CENPP: variants seen among roughly 807,000 people sequenced by gnomAD.
CENPP encodes centromere protein P.
In CENPP, 24 loss-of-function variants were observed where a neutral mutation model predicts 35.6. The observed-to-expected ratio is 0.67, with a 90% CI of 0.49 to 0.95. The LOEUF is 0.95. CENPP is among the 40% of genes least tolerant of loss of function. CENPP has a pLI of 0.00. For synonymous variants in CENPP, 120 were observed against 125.5 expected, an observed-to-expected ratio of 0.96 and a Z score of 0.29; for missense variants, 332 against 345.3, an observed-to-expected ratio of 0.96 and a Z score of 0.31.
intron 5 of CENPP, chr9:92,385,704 G>T: frequency 6.2e-7 from 1 of 1,614,040 alleles, no homozygotes; most frequent in East Asian, 2.2e-5. Context: ...TGCCCTCCAG[G>T]CGTATCTCTT....
chr9:92,550,754 C>A (rs963216633), intron 5 of CENPP, among the ~76,000 whole-genome samples: 1 of 152,110 alleles, frequency 6.6e-6, no homozygotes, highest in African/African-American at 2.4e-5. Flanking sequence ...ATGTTTGATT[C>A]TCTTATCTTG....
chr9:92,566,499 A>T (rs1849971912), intron 5 of CENPP, among the ~76,000 whole-genome samples: 1 of 152,220 alleles, frequency 6.6e-6, no homozygotes. Flanking sequence ...ATGTATGAAC[A>T]AAATGGAAAT....
At chr9:92,327,097 C>A (rs1025461611) in intron 1 of CENPP, among the ~76,000 whole-genome samples, 2 of 152,168 alleles carry the variant, frequency 1.3e-5, no homozygotes, top group East Asian at 3.8e-4. Context: ...CATTACCTGG[C>A]GGTTTGTTAG....
At chr9:92,552,728 A>G (rs1849642713) in intron 5 of CENPP, among the ~76,000 whole-genome samples, 2 of 152,174 alleles carry the variant, frequency 1.3e-5, no homozygotes, top group African/African-American at 2.4e-5. Flanking sequence ...TTCGTTGTAG[A>G]TTCTGGTTAT....
At chr9:92,459,476 T>G (rs1845013606) in intron 5 of CENPP, among the ~76,000 whole-genome samples, 1 of 152,220 alleles carries the variant, frequency 6.6e-6, no homozygotes, top group South Asian at 2.1e-4. Flanking sequence ...CTCCTAAAGC[T>G]CTCCTACTTC....
chr9:92,512,447 A>C (rs780166190), intron 5 of CENPP, among the ~76,000 whole-genome samples: 7 of 152,224 alleles, frequency 4.6e-5, no homozygotes, highest in Admixed American at 3.3e-4. Context: ...CATTTACAAC[A>C]AAGGTGTGGA....
chr9:92,345,953 C>A, intron 4 of CENPP, among the ~76,000 whole-genome samples, 166 bp downstream of exon 4: 1 of 152,080 alleles, frequency 6.6e-6, no homozygotes, highest in Admixed American at 6.6e-5. Context: ...ATCTATCATT[C>A]TTTCATTTAG....
At chr9:92,518,778 A>G (rs780495824) in intron 5 of CENPP, among the ~76,000 whole-genome samples, 6 of 152,168 alleles carry the variant, frequency 3.9e-5, no homozygotes, top group Non-Finnish European at 7.3e-5. Context: ...AGTCCCAGCT[A>G]CTCAGAAAGC....
intron 1 of CENPP, among the ~76,000 whole-genome samples, chr9:92,329,182 C>CTTTTTTTTTTTTTT (rs11366828): frequency 9.6e-6 from 1 of 104,430 alleles, no homozygotes; most frequent in Admixed American, 9.6e-5. Context: ...ATATTTATGG[C>CTTTTTTTTTTTTTT]TTTTTTTTTT....
chr9:92,439,311 G>C (rs939176062), intron 5 of CENPP, among the ~76,000 whole-genome samples: 4 of 151,684 alleles, frequency 2.6e-5, no homozygotes, highest in African/African-American at 9.7e-5. Context: ...GCCCTCCCAT[G>C]GTGAAAATTA....
intron 5 of CENPP, among the ~76,000 whole-genome samples, chr9:92,574,415 G>A (rs1364272451): frequency 6.6e-6 from 1 of 152,076 alleles, no homozygotes; most frequent in Non-Finnish European, 1.5e-5. Flanking sequence ...ACAAAAATGG[G>A]TTGGATTTCT....
chr9:92,382,030 C>G (rs1236462221), intron 5 of CENPP, among the ~76,000 whole-genome samples: 1 of 150,558 alleles, frequency 6.6e-6, no homozygotes, highest in African/African-American at 2.4e-5. Context: ...ATTTGTATAT[C>G]TTTGAGGAAA....
intron 5 of CENPP, among the ~76,000 whole-genome samples, chr9:92,537,964 T>G (rs932993047): frequency 6.6e-6 from 1 of 152,272 alleles, no homozygotes; most frequent in South Asian, 2.1e-4. Flanking sequence ...CATTGTTTTT[T>G]GGGGGAAAAA....
intron 4 of CENPP, among the ~76,000 whole-genome samples, chr9:92,353,573 T>G (rs1470179428): frequency 6.6e-6 from 1 of 152,194 alleles, no homozygotes; most frequent in Non-Finnish European, 1.5e-5. Context: ...GGGTCAGTCA[T>G]CCCAGCCAAC....
intron 5 of CENPP, chr9:92,611,053 G>T: frequency 1.8e-6 from 1 of 550,344 alleles, no homozygotes; most frequent in Non-Finnish European, 3.2e-6. Context: ...TGTGAAATGA[G>T]AATACAGCTG....
In CENPP at chr9:92,337,563, A is replaced by G; in HGVS notation, c.312A>G (p.Arg104=). The G allele has an allele frequency of 6.2e-7, 1 of 1,606,002 alleles. No homozygotes were observed. The highest frequency in any genetic ancestry group is 8.5e-7 in the Non-Finnish European group (1 of 1,172,704). ...CAGGTATTAGAAAAGTTCTACAGAG[A>G]CACAGATTATCAGGAAATTGCCACA... The part of the protein sequence containing the change: ...TEKSIRKVLQ[R]HRLSGNCHMV... The change falls in exon 3 of 8, where the codon AGA becomes AGG. Residue 104 remains arginine (R), a synonymous_variant. Coordinates refer to ENST00000375587, the MANE Select transcript of CENPP (RefSeq NM_001012267.3).
chr9:92,365,560 A>G (rs1393281981), intron 4 of CENPP, among the ~76,000 whole-genome samples: 1 of 151,482 alleles, frequency 6.6e-6, no homozygotes, highest in East Asian at 2.0e-4. Context: ...ACAGGCATCC[A>G]CCACCACGCC....
chr9:92,601,157 C>A (rs974923475), intron 5 of CENPP, among the ~76,000 whole-genome samples: 1 of 152,182 alleles, frequency 6.6e-6, no homozygotes, highest in African/African-American at 2.4e-5. Flanking sequence ...GCATTCCTTT[C>A]TGCTTGTATC....
intron 2 of CENPP, among the ~76,000 whole-genome samples, chr9:92,336,041 C>T (rs372702931): frequency 2.6e-5 from 4 of 152,192 alleles, no homozygotes; most frequent in South Asian, 2.1e-4. Flanking sequence ...ATCTAATCCA[C>T]GATTAAGCAT....
Sources: gnomAD v4.1 joint callset for allele counts (sites outside exome capture counted in the v4.1 genomes callset) on GRCh38, gnomAD v4.1.1 for gene constraint, MANE v1.5 for transcripts, NCBI Gene and HGNC (gene_info 2026-07-23, HGNC 2026-07-21) for gene names.